The following PHF3 variants were observed in gnomAD, a reference collection of about 807,000 sequenced individuals.
The protein encoded by PHF3 is PHD finger protein 3.
PHF3 carries 41 observed loss-of-function variants against 178.4 expected under a neutral mutation model. The ratio of observed to expected loss-of-function variants is 0.23; its 90% CI spans 0.18 to 0.30. The LOEUF is 0.30. PHF3 is among the 10% of genes least tolerant of loss of function. PHF3 has a pLI of 1.00. For missense variants in PHF3, 2,346 were observed against 2,398.1 expected (o/e 0.98, Z 0.45); for synonymous variants, 842 against 800.5 (o/e 1.05, Z -0.88).
intron 2 of PHF3, among the ~76,000 whole-genome samples, chr6:63,676,113 A>C (rs770108560): frequency 2.6e-5 from 4 of 152,082 alleles, no homozygotes; most frequent in Admixed American, 6.6e-5. Context: ...GTTCTTTCCA[A>C]CTTCTCTGTT....
chr6:63,657,081 C>T (rs150335643), intron 2 of PHF3, among the ~76,000 whole-genome samples: 1 of 152,308 alleles, frequency 6.6e-6, no homozygotes, highest in Non-Finnish European at 1.5e-5. Flanking sequence ...TCTCTGCAAA[C>T]TCCTGGAAGA....
At position 63,721,435 on chromosome 6, in the gene PHF3, T is replaced by A. The variant is rs2149625031; in HGVS notation, c.*7727T>A. ...CAGTCACCTACATTTGAGCCACCTT[T>A]TGCTCCAAATTCAGTTAATTGTAAT... On this transcript the variant is annotated 3_prime_UTR_variant, in exon 16 of 16. Transcript: ENST00000262043. 6.4e-7 allele frequency: 1 copy of A among 1,551,692 alleles called. No individual in the cohort carries two copies. The highest frequency in any genetic ancestry group is 1.2e-5 in the South Asian group (1 of 84,062).
intron 2 of PHF3, among the ~76,000 whole-genome samples, chr6:63,651,175 G>A (rs951089629): frequency 6.6e-6 from 1 of 152,022 alleles, no homozygotes; most frequent in Non-Finnish European, 1.5e-5. Context: ...TGTACAATAC[G>A]TAATGATCAA....
chr6:63,712,889 T>C lies in PHF3; in HGVS notation c.5301T>C (p.Val1767=). The change falls in exon 16 of 16, where the codon GTT becomes GTC. Residue 1767 remains valine (V), a synonymous_variant. Coordinates refer to ENST00000262043, the MANE Select transcript of PHF3 (RefSeq NM_001370348.2). Reference sequence around the variant, plus strand: ...CAGTAGCGACATCTCATTTTGAAGTTGGAAACACATGTCCATCAGAATTTC... The same window carrying C: ...CAGTAGCGACATCTCATTTTGAAGTCGGAAACACATGTCCATCAGAATTTC... The part of the protein sequence containing the change: ...GSAVATSHFE[V]GNTCPSEFPS... 2 of 1,614,086 alleles carry C rather than the reference T, an allele frequency of 1.2e-6. No homozygotes were observed. Among genetic ancestry groups the C allele is most frequent in the Non-Finnish European group, 1.7e-6 (2 of 1,179,962 alleles).
At chr6:63,698,790 CCATT>C (rs1222158264) in intron 8 of PHF3, among the ~76,000 whole-genome samples, 185 bp downstream of exon 8, 2 of 152,068 alleles carry the variant, frequency 1.3e-5, no homozygotes, top group Non-Finnish European at 1.5e-5. Context: ...ATAGCATTAA[CCATT>C]CAGTCTACTG....
chr6:63,645,767 A>G (rs1459049478), intron 1 of PHF3, among the ~76,000 whole-genome samples: 1 of 152,202 alleles, frequency 6.6e-6, no homozygotes, highest in Non-Finnish European at 1.5e-5. Flanking sequence ...GGTACAATTC[A>G]AATGGGAGAC....
intron 2 of PHF3, among the ~76,000 whole-genome samples, chr6:63,655,225 G>A (rs1377510297): frequency 6.6e-6 from 1 of 151,964 alleles, no homozygotes; most frequent in African/African-American, 2.4e-5. Context: ...CACCATGCCC[G>A]CCACCATGCC....
rs776536214 is a variant in PHF3, at chr6:63,711,693, G to A, written c.4105G>A (p.Glu1369Lys). 1 of 1,613,954 alleles carries A rather than the reference G, an allele frequency of 6.2e-7. No individual in the cohort carries two copies. The highest frequency in any genetic ancestry group is 1.1e-5 in the South Asian group (1 of 91,074). ...TACTAGTCATATAGCTGAGACTCCT[G>A]AAAGTGCACCACCAATAGCATTGCC... The part of the protein sequence containing the change: ...ASTSHIAETP[E>K]SAPPIALPPD... Residue 1369 changes from glutamate (E) to lysine (K), a missense_variant, in exon 16 of 16, where the codon GAA becomes AAA. By Grantham distance (56) the Glu-to-Lys change is moderately conservative (BLOSUM62 1). Coordinates refer to ENST00000262043, the MANE Select transcript of PHF3 (RefSeq NM_001370348.2).
rs1344893178 is a variant in PHF3 at position 63,725,322 on chromosome 6, C to A, written c.*11614C>A. On this transcript the variant is annotated 3_prime_UTR_variant, in exon 16 of 16. Transcript: ENST00000262043. ...GTGTATGAGCTTTATATTTCATATA[C>A]ACAAACAAATATGTATCGTTGTACT... Among the ~76,000 whole-genome samples, 1 of 151,648 alleles carries A rather than the reference C, an allele frequency of 6.6e-6. No homozygotes were observed. Among genetic ancestry groups the A allele is most frequent in the East Asian group, 1.9e-4 (1 of 5,194 alleles).
chr6:63,642,072 A>C (rs1764600794), intron 1 of PHF3, among the ~76,000 whole-genome samples: 1 of 152,250 alleles, frequency 6.6e-6, no homozygotes, highest in Admixed American at 6.5e-5. Flanking sequence ...TGAGAATTAC[A>C]GATGAAACAT....
intron 3 of PHF3, among the ~76,000 whole-genome samples, chr6:63,683,058 AT>A (rs1766508955): frequency 6.6e-6 from 1 of 152,042 alleles, no homozygotes; most frequent in South Asian, 2.1e-4. Flanking sequence ...CCACCAAGTA[AT>A]TTTTAAAAGT....
chr6:63,637,218 A>G (rs1764380060), intron 1 of PHF3, among the ~76,000 whole-genome samples: 2 of 152,226 alleles, frequency 1.3e-5, no homozygotes. Context: ...AAACCAATGC[A>G]GTAAACTCTG....
At chr6:63,694,266 T>G (rs1767136170) in intron 5 of PHF3, among the ~76,000 whole-genome samples, 2 of 152,216 alleles carry the variant, frequency 1.3e-5, no homozygotes, top group African/African-American at 4.8e-5. Context: ...TGAACTTAAT[T>G]TCATTTGTTT....
intron 2 of PHF3, among the ~76,000 whole-genome samples, chr6:63,667,396 C>A (rs767209491): frequency 1.3e-5 from 2 of 152,152 alleles, no homozygotes; most frequent in Non-Finnish European, 2.9e-5. Context: ...AGTATACTCA[C>A]ATTTAGTCAT....
chr6:63,720,281 A>G lies in PHF3; in HGVS notation c.*6573A>G, dbSNP rs556168947. The G allele has an allele frequency of 2.2e-4, 81 of 360,948 alleles. No individual in the cohort carries two copies. The highest frequency in any genetic ancestry group is 1.5e-3 in the African/African-American group (73 of 47,954). 22.4% of individuals were successfully genotyped at this position (360,948 alleles called of 1,614,324 possible). A position where few individuals can be genotyped will look rare whatever the true frequency, so the allele number is the denominator to read the frequency against. On this transcript the variant is annotated 3_prime_UTR_variant, in exon 16 of 16. Coordinates refer to ENST00000262043, the MANE Select transcript of PHF3 (RefSeq NM_001370348.2). ...CATTGATTTTTAAAATTGTGTTTAC[A>G]CGTTGATTTTAAAATGTAAGCATTA...
At chr6:63,657,855 A>G (rs1023091694) in intron 2 of PHF3, among the ~76,000 whole-genome samples, 3 of 152,160 alleles carry the variant, frequency 2.0e-5, no homozygotes, top group African/African-American at 7.2e-5. Context: ...TTGGTTGTTA[A>G]TATTTACAGT....
At chr6:63,679,765 T>C in intron 2 of PHF3, 3 of 539,550 alleles carry the variant, frequency 5.6e-6, no homozygotes, top group South Asian at 4.7e-5. Flanking sequence ...GGAAAGAGTA[T>C]AATATAGCTA....
At chr6:63,677,987 C>T (rs1766248690) in intron 2 of PHF3, among the ~76,000 whole-genome samples, 1 of 152,028 alleles carries the variant, frequency 6.6e-6, no homozygotes, top group Non-Finnish European at 1.5e-5. Context: ...CTTTGGGAGG[C>T]CAAGGCAGAC....
rs930101460 is a variant in PHF3 at position 63,635,893 on chromosome 6, C to A, written c.-283C>A. On this transcript the variant is annotated 5_prime_UTR_variant, in exon 1 of 16. Transcript: ENST00000262043. ...GTCTCGCGCCGTCGCACCGTCCCCA[C>A]GCGGCAAGCGACCTTCGGGCTCAGG... 5 of 397,788 alleles carry A rather than the reference C, an allele frequency of 1.3e-5. No homozygotes were observed. The highest frequency in any genetic ancestry group is 2.2e-5 in the Non-Finnish European group (5 of 225,586). The allele number at this position is 397,788 out of a possible 1,614,324, so 24.6% of individuals were successfully genotyped here.
Sources: gnomAD v4.1 joint callset for allele counts (sites outside exome capture counted in the v4.1 genomes callset) on GRCh38, gnomAD v4.1.1 for gene constraint, MANE v1.5 for transcripts, NCBI Gene and HGNC (gene_info 2026-07-23, HGNC 2026-07-21) for gene names.